The following L3MBTL4 variants were observed in gnomAD, a reference collection of about 807,000 sequenced individuals.
L3MBTL4 encodes the protein lethal(3)malignant brain tumor-like protein 4.
Under a neutral mutation model 84.5 loss-of-function variants are expected in L3MBTL4, and 70 were observed. The ratio of observed to expected loss-of-function variants is 0.83; its 90% CI spans 0.68 to 1.01. L3MBTL4 has a LOEUF of 1.01. Ranked by LOEUF, L3MBTL4 falls within the 50% of genes least tolerant of loss-of-function variation. The pLI, the probability that L3MBTL4 is intolerant of heterozygous loss-of-function variation, is 0.00. For missense variants in L3MBTL4, 715 were observed against 754.8 expected (o/e 0.95, Z 0.62); for synonymous variants, 274 against 259.8 (o/e 1.05, Z -0.52).
At chr18:6,138,170 T>C (rs2060084198) in intron 14 of L3MBTL4, 24 bp downstream of exon 14, 2 of 1,493,980 alleles carry the variant, frequency 1.3e-6, no homozygotes, top group African/African-American at 1.4e-5. Flanking sequence ...ATCCAGGAAA[T>C]AACTTAAATA....
intron 14 of L3MBTL4, among the ~76,000 whole-genome samples, chr18:6,126,169 C>T (rs911574243): frequency 1.4e-4 from 21 of 152,108 alleles, no homozygotes; most frequent in Admixed American, 4.6e-4. Flanking sequence ...AGGCATATAA[C>T]TTAGTACTTG....
chr18:6,255,327 A>T (rs768713446), intron 5 of L3MBTL4, among the ~76,000 whole-genome samples: 7 of 152,208 alleles, frequency 4.6e-5, no homozygotes, highest in Non-Finnish European at 8.8e-5. Flanking sequence ...CCAGGAACTA[A>T]AAAGCAGTCC....
chr18:6,146,823 C>T (rs1475261857), intron 13 of L3MBTL4, among the ~76,000 whole-genome samples: 3 of 151,990 alleles, frequency 2.0e-5, no homozygotes, highest in South Asian at 2.1e-4. Flanking sequence ...TGAGTGAGGA[C>T]GGGGTGATAG....
At chr18:6,287,387 G>T (rs1217769348) in intron 4 of L3MBTL4, among the ~76,000 whole-genome samples, 3 of 152,038 alleles carry the variant, frequency 2.0e-5, no homozygotes, top group African/African-American at 7.2e-5. Context: ...CTGTCTTAAG[G>T]CTCTTTCTTC....
chr18:6,378,193 A>T (rs967992059), intron 1 of L3MBTL4, among the ~76,000 whole-genome samples: 2 of 152,092 alleles, frequency 1.3e-5, no homozygotes, highest in Non-Finnish European at 2.9e-5. Flanking sequence ...AATTTGTTTA[A>T]GTTCTTTGTA....
At chr18:6,362,431 T>C (rs1333938558) in intron 1 of L3MBTL4, among the ~76,000 whole-genome samples, 3 of 152,172 alleles carry the variant, frequency 2.0e-5, no homozygotes, top group Non-Finnish European at 4.4e-5. Context: ...TCAGCAGCCC[T>C]CTCTCCTTCT....
intron 16 of L3MBTL4, among the ~76,000 whole-genome samples, chr18:6,073,002 C>G (rs2057738872): frequency 7.3e-6 from 1 of 136,078 alleles, no homozygotes; most frequent in Non-Finnish European, 1.6e-5. Flanking sequence ...AAATTAAAGC[C>G]AAAGAGAGTG....
chr18:6,146,150 G>C, intron 13 of L3MBTL4, among the ~76,000 whole-genome samples: 1 of 152,244 alleles, frequency 6.6e-6, no homozygotes. Context: ...TTCTGGGTTG[G>C]CTGGGAGACA....
intron 16 of L3MBTL4, among the ~76,000 whole-genome samples, chr18:5,993,621 G>T (rs535643958): frequency 4.0e-5 from 6 of 150,804 alleles, no homozygotes; most frequent in African/African-American, 1.5e-4. Context: ...ACTACTTGTT[G>T]CTCACCAAAG....
intron 4 of L3MBTL4, among the ~76,000 whole-genome samples, chr18:6,287,471 T>C (rs143751992): frequency 1.3e-5 from 2 of 152,330 alleles, no homozygotes; most frequent in East Asian, 3.9e-4. Context: ...AAATTCCCTT[T>C]TTCCAAAACT....
chr18:6,254,857 G>A (rs1043125368), intron 5 of L3MBTL4, among the ~76,000 whole-genome samples: 1 of 151,978 alleles, frequency 6.6e-6, no homozygotes, highest in African/African-American at 2.4e-5. Flanking sequence ...ACTGAATTAC[G>A]GTCTCAGAAA....
At chr18:6,407,027 T>C (rs2144712524) in intron 1 of L3MBTL4, among the ~76,000 whole-genome samples, 1 of 152,348 alleles carries the variant, frequency 6.6e-6, no homozygotes, top group Admixed American at 6.5e-5. Flanking sequence ...ACTGTACCCT[T>C]CACAGCTTCC....
At chr18:6,086,208 T>C (rs542678070) in intron 15 of L3MBTL4, among the ~76,000 whole-genome samples, 3 of 152,310 alleles carry the variant, frequency 2.0e-5, no homozygotes, top group East Asian at 1.9e-4. Context: ...ATACAGATGA[T>C]AAAATGCTTG....
intron 3 of L3MBTL4, among the ~76,000 whole-genome samples, chr18:6,309,923 T>C (rs2050751286): frequency 6.6e-6 from 1 of 152,216 alleles, no homozygotes; most frequent in African/African-American, 2.4e-5. Context: ...GTAAGATGCA[T>C]CTAGCCACTT....
intron 16 of L3MBTL4, among the ~76,000 whole-genome samples, chr18:5,970,723 A>C (rs964755635): frequency 6.6e-6 from 1 of 152,266 alleles, no homozygotes; most frequent in South Asian, 2.1e-4. Context: ...TTTAAGGTCT[A>C]TTATGATGGT....
intron 1 of L3MBTL4, among the ~76,000 whole-genome samples, chr18:6,394,222 C>G (rs2055178732): frequency 6.6e-6 from 1 of 152,172 alleles, no homozygotes; most frequent in Admixed American, 6.5e-5. Flanking sequence ...AATCCCAGCA[C>G]TTTGGGAGAC....
At chr18:6,346,343 A>G (rs2052905045) in intron 1 of L3MBTL4, among the ~76,000 whole-genome samples, 2 of 151,852 alleles carry the variant, frequency 1.3e-5, no homozygotes, top group African/African-American at 2.4e-5. Flanking sequence ...AATAAGTGGG[A>G]TTACCTCAAA....
At chr18:6,112,298 C>T (rs1053123876) in intron 14 of L3MBTL4, among the ~76,000 whole-genome samples, 1 of 152,224 alleles carries the variant, frequency 6.6e-6, no homozygotes. Flanking sequence ...CCTAACATTA[C>T]ATTCTTTGAC....
At chr18:6,390,610 A>T (rs2055006756) in intron 1 of L3MBTL4, among the ~76,000 whole-genome samples, 1 of 152,206 alleles carries the variant, frequency 6.6e-6, no homozygotes, top group Admixed American at 6.5e-5. Context: ...AAGAGACAAC[A>T]TTCAAATAAG....
Sources: allele counts gnomAD v4.1 joint callset (sites outside exome capture counted in the v4.1 genomes callset), GRCh38; gene constraint gnomAD v4.1.1; transcripts MANE v1.5; gene names NCBI Gene and HGNC (gene_info 2026-07-23, HGNC 2026-07-21).